The following M1AP variants were observed in gnomAD, a reference collection of about 807,000 sequenced individuals.
M1AP encodes the protein meiosis 1 associated protein.
In M1AP, 39 loss-of-function variants were observed where a neutral mutation model predicts 51.2. That is an observed-to-expected ratio of 0.76 (90% CI 0.59 to 1.00). The LOEUF is 1.00. Among genes scored for constraint, M1AP ranks in the 50% least tolerant of loss-of-function variants. The probability of loss-of-function intolerance (pLI) is 0.00; values close to 1 mark genes in which losing one functional copy is unlikely to be tolerated. For missense variants in M1AP, 545 were observed against 641.2 expected, an observed-to-expected ratio of 0.85 and a Z score of 1.62; for synonymous variants, 251 against 249.2, an observed-to-expected ratio of 1.01 and a Z score of -0.07.
chr2:74,639,165 T>G (rs945788961), intron 2 of M1AP, among the ~76,000 whole-genome samples: 1 of 152,228 alleles, frequency 6.6e-6, no homozygotes, highest in Non-Finnish European at 1.5e-5. Flanking sequence ...TTATTTTCAT[T>G]CTTTATAGTA....
intron 2 of M1AP, among the ~76,000 whole-genome samples, chr2:74,625,283 G>A (rs1024119204): frequency 1.3e-5 from 2 of 151,928 alleles, no homozygotes; most frequent in African/African-American, 4.8e-5. Context: ...TTTTCTTACT[G>A]AGTTGTAGGA....
At chr2:74,632,918 T>C (rs912120965) in intron 2 of M1AP, among the ~76,000 whole-genome samples, 3 of 152,114 alleles carry the variant, frequency 2.0e-5, no homozygotes, top group African/African-American at 7.2e-5. Context: ...CATAGCCACT[T>C]GAGGAGGAAA....
At chr2:74,565,167 G>A (rs538315686) in intron 7 of M1AP, among the ~76,000 whole-genome samples, 3 of 150,204 alleles carry the variant, frequency 2.0e-5, no homozygotes, top group Non-Finnish European at 4.4e-5. Context: ...AGGTTGCAGT[G>A]AGCCGAGATC....
intron 3 of M1AP, among the ~76,000 whole-genome samples, chr2:74,612,744 T>A (rs1163798777): frequency 6.6e-6 from 1 of 152,206 alleles, no homozygotes; most frequent in African/African-American, 2.4e-5. Context: ...ACTTCATTTT[T>A]AATTTCTCCA....
At position 74,558,699 on chromosome 2, in the gene M1AP, G is replaced by A. The variant is rs779253565; in HGVS notation, c.*17C>T. ...GGATATGGTTAAGCTGGGCAGCTGGGCTCTGGTGCTGGTGACTTAGGGCCT... is the reference window on the plus strand; with the variant it reads ...GGATATGGTTAAGCTGGGCAGCTGGACTCTGGTGCTGGTGACTTAGGGCCT... On this transcript the variant is annotated 3_prime_UTR_variant, in exon 11 of 11. Coordinates refer to ENST00000421985, the MANE Select transcript of M1AP (RefSeq NM_001321739.2). 4 of 1,611,174 alleles carry A rather than the reference G, an allele frequency of 2.5e-6. No individual in the cohort carries two copies. The East Asian group carries it at 8.9e-5, about 36-fold the overall frequency.
At chr2:74,569,673 C>G (rs1573070378) in intron 7 of M1AP, among the ~76,000 whole-genome samples, 1 of 150,788 alleles carries the variant, frequency 6.6e-6, no homozygotes, top group Admixed American at 6.6e-5. Context: ...CTGTGCCCAG[C>G]CCTCCCTCAC....
At chr2:74,605,451 G>T (rs1455727830) in intron 4 of M1AP, among the ~76,000 whole-genome samples, 1 of 152,062 alleles carries the variant, frequency 6.6e-6, no homozygotes, top group African/African-American at 2.4e-5. Context: ...TGTGTGTGTG[G>T]ATGTTGTTTT....
intron 7 of M1AP, among the ~76,000 whole-genome samples, chr2:74,569,571 C>T (rs1573070123): frequency 6.6e-6 from 1 of 151,948 alleles, no homozygotes; most frequent in South Asian, 2.1e-4. Flanking sequence ...GATGAGGTTT[C>T]GCCATGTTGG....
intron 2 of M1AP, among the ~76,000 whole-genome samples, chr2:74,635,141 T>G (rs1682914238): frequency 6.6e-6 from 1 of 152,158 alleles, no homozygotes; most frequent in Admixed American, 6.5e-5. Flanking sequence ...AATTTAAAAA[T>G]TATGAATTCA....
rs551303810 is a variant in M1AP at position 74,568,500 on chromosome 2, G to C, written c.1075-6077C>G. Among the ~76,000 whole-genome samples, 204 of 152,360 alleles carry C rather than the reference G, an allele frequency of 1.3e-3. 3 individuals are homozygous for C. In the South Asian group the frequency reaches 0.041, roughly 31 times the overall value. Reference sequence around the variant, plus strand: ...TGGGACAGAGGGCATGGTGGTAGTGGTGGTTGGAGAAGCTGAGAATCCAAG... The same window carrying C: ...TGGGACAGAGGGCATGGTGGTAGTGCTGGTTGGAGAAGCTGAGAATCCAAG... On this transcript the variant is annotated intron_variant, in intron 7 of 10. Coordinates refer to ENST00000421985, the MANE Select transcript of M1AP (RefSeq NM_001321739.2).
At chr2:74,585,355 C>T in intron 4 of M1AP, among the ~76,000 whole-genome samples, 1 of 152,112 alleles carries the variant, frequency 6.6e-6, no homozygotes, top group East Asian at 1.9e-4. Context: ...TATGGTTCTC[C>T]CTCTAAAACA....
chr2:74,584,129 A>C (rs1385479920), intron 4 of M1AP, among the ~76,000 whole-genome samples: 1 of 152,238 alleles, frequency 6.6e-6, no homozygotes, highest in Non-Finnish European at 1.5e-5. Context: ...CCTTGCAAGT[A>C]AAGAGAAATA....
chr2:74,607,127 C>A lies in M1AP; in HGVS notation c.523G>T (p.Val175Phe), dbSNP rs1047551055. ...AGGATTCCCTTTGTGACCTCAACGA[C>A]CTGAAACCTCCTGACTCTGGCTAGG... ...TDLARVRRFQ[V>F]VEVTKGILEH... The change falls in exon 4 of 11, where the codon GTC becomes TTC. Residue 175 changes from valine (V) to phenylalanine (F), a missense_variant. Transcript: ENST00000421985. 2.5e-6 allele frequency: 4 copies of A among 1,614,068 alleles called. No homozygotes were observed. Among genetic ancestry groups the A allele is most frequent in the Non-Finnish European group, 3.4e-6 (4 of 1,180,028 alleles).
intron 4 of M1AP, among the ~76,000 whole-genome samples, chr2:74,603,590 G>T (rs778146528): frequency 6.6e-6 from 1 of 152,194 alleles, no homozygotes; most frequent in Non-Finnish European, 1.5e-5. Context: ...ATAGAGGAAG[G>T]AATTCAGAGA....
At chr2:74,627,197 A>C (rs1304736655) in intron 2 of M1AP, among the ~76,000 whole-genome samples, 2 of 152,134 alleles carry the variant, frequency 1.3e-5, no homozygotes, top group African/African-American at 4.8e-5. Context: ...TAAATATATC[A>C]ATAGTATTTT....
intron 4 of M1AP, among the ~76,000 whole-genome samples, chr2:74,605,049 T>C (rs917452073): frequency 3.4e-5 from 5 of 149,212 alleles, no homozygotes; most frequent in African/African-American, 9.9e-5. Flanking sequence ...AAAACTAGAC[T>C]TTTTTTTTTC....
chr2:74,560,521 G>C (rs1677847782), intron 8 of M1AP, among the ~76,000 whole-genome samples: 1 of 152,200 alleles, frequency 6.6e-6, no homozygotes, highest in South Asian at 2.1e-4. Flanking sequence ...TAAGTGGTTA[G>C]GAACACTGAA....
intron 5 of M1AP, among the ~76,000 whole-genome samples, chr2:74,580,906 T>C (rs1679364923): frequency 6.6e-6 from 1 of 152,084 alleles, no homozygotes; most frequent in Admixed American, 6.5e-5. Flanking sequence ...GACCCAGCTT[T>C]CCCAACCTCA....
intron 2 of M1AP, 25 bp from the exon 3 acceptor site, chr2:74,615,174 C>T: frequency 6.2e-7 from 1 of 1,609,980 alleles, no homozygotes; most frequent in Non-Finnish European, 8.5e-7. Flanking sequence ...GAATCAAAGA[C>T]ACAAGTCTTT....
Sources: gnomAD v4.1 joint callset for allele counts (sites outside exome capture counted in the v4.1 genomes callset) on GRCh38, gnomAD v4.1.1 for gene constraint, MANE v1.5 for transcripts, NCBI Gene and HGNC (gene_info 2026-07-23, HGNC 2026-07-21) for gene names.